The following DNM3 variants were observed in gnomAD, a reference collection of about 807,000 sequenced individuals.
DNM3 encodes the protein dynamin-3.
A neutral mutation model predicts 101.6 loss-of-function variants in DNM3; 47 were observed. The observed-to-expected ratio is 0.46, with a 90% CI of 0.37 to 0.59. The LOEUF is 0.59. Ranked by LOEUF, DNM3 falls within the 20% of genes least tolerant of loss-of-function variation. DNM3 has a pLI of 0.00. For missense variants in DNM3, 849 were observed against 1,085.7 expected, an observed-to-expected ratio of 0.78 and a Z score of 3.06; for synonymous variants, 385 against 387.9, an observed-to-expected ratio of 0.99 and a Z score of 0.09.
chr1:172,298,279 T>C (rs2757493), intron 15 of DNM3, among the ~76,000 whole-genome samples: 42,531 of 152,066 alleles, frequency 0.28, 6,049 homozygotes, highest in East Asian at 0.31. Context: ...TATCCTTTCA[T>C]TTTCATTTGT....
chr1:172,410,031 T>G lies in DNM3; in HGVS notation c.*2190T>G. 1.0e-6 allele frequency: 1 copy of G among 985,724 alleles called. No homozygotes were observed. Among genetic ancestry groups the G allele is most frequent in the Non-Finnish European group, 1.2e-6 (1 of 829,882 alleles). The allele number at this position is 985,724 out of a possible 1,614,324, so 61.1% of individuals were successfully genotyped here. On this transcript the variant is annotated 3_prime_UTR_variant, in exon 21 of 21. Transcript: ENST00000627582. The stretch of plus-strand genomic sequence containing the variant: ...ATCTTTGGCACTTGCTTTTAGATTA[T>G]AGTCCCACAGTTGCACTGCCCCAAT...
At chr1:172,391,800 C>T (rs1162484924) in intron 20 of DNM3, among the ~76,000 whole-genome samples, 1 of 152,080 alleles carries the variant, frequency 6.6e-6, no homozygotes, top group African/African-American at 2.4e-5. Context: ...CAAGACAGCA[C>T]AAAAGGTGTC....
intron 15 of DNM3, among the ~76,000 whole-genome samples, chr1:172,293,642 G>T (rs1292534998): frequency 2.6e-4 from 40 of 152,140 alleles, no homozygotes; most frequent in Admixed American, 2.6e-3. Flanking sequence ...GCTCAGTTCA[G>T]TGTTTTAGAC....
At chr1:172,059,872 AG>A (rs2051014560) in intron 10 of DNM3, among the ~76,000 whole-genome samples, 1 of 90,692 alleles carries the variant, frequency 1.1e-5, no homozygotes, top group Admixed American at 1.3e-4. Flanking sequence ...AAGGAAATAA[AG>A]GGTATTCAGT....
At chr1:172,415,848 C>A (rs571231669), downstream of DNM3, among the ~76,000 whole-genome samples, 1 of 152,030 alleles carries the variant, frequency 6.6e-6, no homozygotes, top group East Asian at 1.9e-4. Context: ...GAGATTTTAA[C>A]AGAAAAGAAA....
intron 15 of DNM3, among the ~76,000 whole-genome samples, chr1:172,276,845 T>C (rs1418346272): frequency 1.3e-5 from 2 of 152,018 alleles, no homozygotes; most frequent in Non-Finnish European, 2.9e-5. Context: ...AAAGCATGCC[T>C]TACAACTCTA....
At chr1:172,418,361 C>T in exon 21 of DNM3, 1 of 1,277,832 alleles carries the variant, frequency 7.8e-7, no homozygotes, top group Non-Finnish European at 1.0e-6. Flanking sequence ...CATGTCTATC[C>T]ATGGTATTTA....
chr1:172,083,277 TG>T (rs36090002), intron 12 of DNM3, among the ~76,000 whole-genome samples: 5,760 of 151,746 alleles, frequency 0.038, 258 homozygotes, highest in East Asian at 0.14. Flanking sequence ...CTATAGTGGG[TG>T]GGGGGGGAAT....
intron 13 of DNM3, among the ~76,000 whole-genome samples, chr1:172,094,021 T>A (rs903558040): frequency 1.3e-5 from 2 of 152,192 alleles, no homozygotes; most frequent in Admixed American, 6.5e-5. Flanking sequence ...TAATGGTCCT[T>A]AAAATAATTA....
At chr1:171,947,958 C>T (rs1425378916) in intron 2 of DNM3, among the ~76,000 whole-genome samples, 5 of 152,142 alleles carry the variant, frequency 3.3e-5, no homozygotes, top group Non-Finnish European at 5.9e-5. Flanking sequence ...TTTGCTTTTG[C>T]TTTTCTTCTT....
intron 14 of DNM3, among the ~76,000 whole-genome samples, chr1:172,167,330 T>C (rs1235133002): frequency 3.9e-5 from 6 of 152,056 alleles, no homozygotes; most frequent in Non-Finnish European, 8.8e-5. Flanking sequence ...TGTTGGACAT[T>C]TGGGTTGGTT....
intron 1 of DNM3, 55 bp from the exon 2 acceptor site, chr1:171,921,693 G>T: frequency 6.9e-7 from 1 of 1,442,592 alleles, no homozygotes; most frequent in Non-Finnish European, 9.5e-7. Flanking sequence ...GTTTATGAAT[G>T]TACAGGTGAT....
chr1:172,199,562 A>G (rs2060077231), intron 14 of DNM3, among the ~76,000 whole-genome samples: 1 of 152,112 alleles, frequency 6.6e-6, no homozygotes, highest in Non-Finnish European at 1.5e-5. Context: ...GTAAGTCTCT[A>G]AGAACTTCCT....
chr1:172,400,116 T>A (rs2070354072), intron 20 of DNM3, among the ~76,000 whole-genome samples: 1 of 152,138 alleles, frequency 6.6e-6, no homozygotes, highest in South Asian at 2.1e-4. Flanking sequence ...GCCTTTTTCC[T>A]CCCTATCCTT....
intron 4 of DNM3, among the ~76,000 whole-genome samples, chr1:171,995,079 T>C (rs2045904956): frequency 6.6e-6 from 1 of 150,576 alleles, no homozygotes; most frequent in South Asian, 2.1e-4. Context: ...CGGCTTGTTG[T>C]TCTTACTGAA....
At chr1:172,236,427 C>T (rs921671036) in intron 14 of DNM3, among the ~76,000 whole-genome samples, 23 of 152,092 alleles carry the variant, frequency 1.5e-4, no homozygotes, top group Non-Finnish European at 3.2e-4. Flanking sequence ...GCTCTGACCA[C>T]TTCTAGTTTT....
chr1:171,944,385 G>GTTTA (rs929416487), intron 2 of DNM3, among the ~76,000 whole-genome samples: 1 of 132,492 alleles, frequency 7.5e-6, no homozygotes, highest in African/African-American at 3.0e-5. Context: ...TTATTTATTT[G>GTTTA]TTTATTTATA....
At chr1:172,288,176 C>G in intron 15 of DNM3, among the ~76,000 whole-genome samples, 1 of 152,176 alleles carries the variant, frequency 6.6e-6, no homozygotes, top group East Asian at 1.9e-4. Flanking sequence ...ACAGTAATTA[C>G]TTAATCACAA....
At chr1:172,060,221 T>G (rs2051059376) in intron 10 of DNM3, among the ~76,000 whole-genome samples, 1 of 133,928 alleles carries the variant, frequency 7.5e-6, no homozygotes. Context: ...GGAAGGACAT[T>G]CCATGCTCAT....
Sources: gnomAD v4.1 joint callset for allele counts (sites outside exome capture counted in the v4.1 genomes callset) on GRCh38, gnomAD v4.1.1 for gene constraint, MANE v1.5 for transcripts, NCBI Gene and HGNC (gene_info 2026-07-23, HGNC 2026-07-21) for gene names.